Variants in TMEM218 observed in about 807,000 individuals in gnomAD.
TMEM218 encodes transmembrane protein 218.
Under a neutral mutation model 10.0 loss-of-function variants are expected in TMEM218, and 8 were observed. The observed-to-expected ratio is 0.80, with a 90% confidence interval of 0.47 to 1.44. The LOEUF (loss-of-function observed/expected upper bound fraction) is 1.44, where lower values mean the gene tolerates loss of function less well. Ranked by LOEUF, TMEM218 falls within the 40% of genes most tolerant of loss-of-function variation. The pLI, the probability that TMEM218 is intolerant of heterozygous loss-of-function variation, is 0.00. For synonymous variants in TMEM218, 66 were observed against 63.5 expected (o/e 1.04, Z -0.18); for missense variants, 110 against 140.1 (o/e 0.79, Z 1.08).
chr11:125,102,357 C>T (rs1223785391), intron 2 of TMEM218, 40 bp from the exon 3 acceptor site: 6 of 1,535,466 alleles, frequency 3.9e-6, no homozygotes, highest in African/African-American at 1.4e-5. Context: ...AAAGCCTAAA[C>T]TCATTACAGG....
chr11:125,107,494 T>A (rs1232611546), intron 1 of TMEM218, among the ~76,000 whole-genome samples: 1 of 152,158 alleles, frequency 6.6e-6, no homozygotes, highest in Non-Finnish European at 1.5e-5. Flanking sequence ...GATAATATTA[T>A]GAAATTACTG....
intron 4 of TMEM218, among the ~76,000 whole-genome samples, chr11:125,098,919 C>T (rs1038651075): frequency 2.6e-5 from 4 of 152,120 alleles, no homozygotes; most frequent in Non-Finnish European, 5.9e-5. Context: ...TACGAGCAGC[C>T]TCTAGAAGCT....
intron 3 of TMEM218, 108 bp downstream of exon 3, chr11:125,102,024 G>T: frequency 7.9e-7 from 1 of 1,261,194 alleles, no homozygotes; most frequent in East Asian, 2.9e-5. Flanking sequence ...CATTCAAACT[G>T]CCAGTAATTA....
At chr11:125,111,165 C>T (rs987531214) in intron 1 of TMEM218, among the ~76,000 whole-genome samples, 1 of 152,168 alleles carries the variant, frequency 6.6e-6, no homozygotes, top group Non-Finnish European at 1.5e-5. Flanking sequence ...AGCCTGGGAA[C>T]ACCCCACTTG....
intron 2 of TMEM218, 53 bp from the exon 3 acceptor site, chr11:125,102,370 AT>A: frequency 6.5e-7 from 1 of 1,528,980 alleles, no homozygotes. Flanking sequence ...ATTACAGGTT[AT>A]TTTTTGATGA....
intron 4 of TMEM218, among the ~76,000 whole-genome samples, chr11:125,100,327 AC>A (rs1304984625): frequency 1.3e-5 from 2 of 152,118 alleles, no homozygotes; most frequent in Non-Finnish European, 2.9e-5. Flanking sequence ...CCTCTGACAG[AC>A]TCAGTGTTCT....
intron 4 of TMEM218, among the ~76,000 whole-genome samples, chr11:125,100,355 A>T (rs1950510579): frequency 6.6e-6 from 1 of 152,194 alleles, no homozygotes; most frequent in Admixed American, 6.5e-5. Context: ...TAAAATGGGG[A>T]TAATAATGGT....
chr11:125,109,880 C>G (rs1565441218), intron 1 of TMEM218, among the ~76,000 whole-genome samples: 1 of 152,254 alleles, frequency 6.6e-6, no homozygotes, highest in Non-Finnish European at 1.5e-5. Flanking sequence ...TTGAAGCTGG[C>G]TGGCGCCATT....
intron 1 of TMEM218, among the ~76,000 whole-genome samples, chr11:125,110,024 G>C (rs1953370328): frequency 6.6e-6 from 1 of 152,204 alleles, no homozygotes; most frequent in Non-Finnish European, 1.5e-5. Context: ...AATTTTATAA[G>C]CAAACTATAC....
chr11:125,102,433 C>G, intron 2 of TMEM218, 116 bp from the exon 3 acceptor site: 1 of 1,495,720 alleles, frequency 6.7e-7, no homozygotes, highest in Non-Finnish European at 8.8e-7. Context: ...TCAGAAATGT[C>G]CAGTCCCAGA....
intron 3 of TMEM218, 68 bp from the exon 4 acceptor site, chr11:125,101,371 A>C: frequency 6.5e-7 from 1 of 1,539,464 alleles, no homozygotes; most frequent in South Asian, 1.2e-5. Flanking sequence ...TTAGGTCTGG[A>C]CAGTCTCTTC....
At chr11:125,105,230 C>T (rs908684173) in intron 1 of TMEM218, among the ~76,000 whole-genome samples, 1 of 152,130 alleles carries the variant, frequency 6.6e-6, no homozygotes, top group African/African-American at 2.4e-5. Flanking sequence ...TTCAATACTA[C>T]CGATGTGATA....
chr11:125,107,173 C>T (rs994478821), intron 1 of TMEM218, among the ~76,000 whole-genome samples: 1 of 152,070 alleles, frequency 6.6e-6, no homozygotes, highest in African/African-American at 2.4e-5. Flanking sequence ...GGAGGTCAGG[C>T]GTATGGTTGG....
intron 4 of TMEM218, among the ~76,000 whole-genome samples, chr11:125,099,279 C>CAAGT (rs1950238003): frequency 6.6e-6 from 1 of 152,184 alleles, no homozygotes; most frequent in Non-Finnish European, 1.5e-5. Context: ...CGGTACTGAA[C>CAAGT]AAGTCTCTTG....
At position 125,097,390 on chromosome 11, in the gene TMEM218, C is replaced by A. The variant is rs1949787353; in HGVS notation, c.*216G>T. 2 of 453,050 alleles carry A rather than the reference C, an allele frequency of 4.4e-6. No homozygotes were observed. Among genetic ancestry groups the A allele is most frequent in the African/African-American group, 4.0e-5 (2 of 50,412 alleles). 28.1% of individuals were successfully genotyped at this position (453,050 alleles called of 1,614,324 possible). On this transcript the variant is annotated 3_prime_UTR_variant, in exon 5 of 5. Transcript: ENST00000682305. ...ACGGGTACTAAGAAGATAGCAATATCCTTCTTAAGCTGGTAAGAATCTAGC... is the reference window on the plus strand; with the variant it reads ...ACGGGTACTAAGAAGATAGCAATATACTTCTTAAGCTGGTAAGAATCTAGC...
chr11:125,097,839 T>A (rs1183171392), intron 4 of TMEM218, 99 bp from the exon 5 acceptor site: 1 of 1,181,306 alleles, frequency 8.5e-7, no homozygotes, highest in Non-Finnish European at 1.2e-6. Context: ...TTAGTTCATG[T>A]GTATAACTTC....
In TMEM218 at chr11:125,096,050, G is replaced by A. The variant is rs1174363086; in HGVS notation, c.*1556C>T. Among the ~76,000 whole-genome samples, 1 of 152,144 alleles carries A rather than the reference G, an allele frequency of 6.6e-6. No homozygotes were observed. Among genetic ancestry groups the A allele is most frequent in the African/African-American group, 2.4e-5 (1 of 41,412 alleles). ...TTTTTTCTCTCCCTCAATCTGCTTA[G>A]AGGATGTTTCTTCTTTTCTTACCTG... On this transcript the variant is annotated 3_prime_UTR_variant, in exon 5 of 5. Coordinates refer to ENST00000682305, the MANE Select transcript of TMEM218 (RefSeq NM_001258244.2).
intron 4 of TMEM218, 36 bp downstream of exon 4, chr11:125,101,165 A>G: frequency 1.3e-6 from 2 of 1,563,400 alleles, no homozygotes; most frequent in Non-Finnish European, 1.8e-6. Flanking sequence ...AATAAGAATC[A>G]CAGCTCAGGA....
rs1486453511 is a variant in TMEM218 at position 125,095,183 on chromosome 11, T to C, written c.*2423A>G. Among the ~76,000 whole-genome samples the C allele has an allele frequency of 5.3e-5, 8 of 152,216 alleles. No homozygotes were observed. Among genetic ancestry groups the C allele is most frequent in the Non-Finnish European group, 1.0e-4 (7 of 68,042 alleles). On this transcript the variant is annotated 3_prime_UTR_variant, in exon 5 of 5. Transcript: ENST00000682305. ...CGCCACGAAATAACCTATTTTCTTA[T>C]ATAGAAACCCAGATTTACTCTCCCT...
Sources: gnomAD v4.1 joint callset for allele counts (sites outside exome capture counted in the v4.1 genomes callset) on GRCh38, gnomAD v4.1.1 for gene constraint, MANE v1.5 for transcripts, NCBI Gene and HGNC (gene_info 2026-07-23, HGNC 2026-07-21) for gene names.